VPS13C: variants seen among roughly 807,000 people sequenced by gnomAD.
VPS13C encodes the protein vacuolar protein sorting 13 homolog C.
A neutral mutation model predicts 456.8 loss-of-function variants in VPS13C; 358 were observed. That is an observed-to-expected ratio of 0.78 (90% CI 0.72 to 0.86). VPS13C has a LOEUF of 0.86. Among genes scored for constraint, VPS13C ranks in the 40% least tolerant of loss-of-function variants. The pLI, the probability that VPS13C is intolerant of heterozygous loss-of-function variation, is 0.00. For missense variants in VPS13C, 4,818 were observed against 4,385.4 expected, an observed-to-expected ratio of 1.10 and a Z score of -2.79; for synonymous variants, 1,578 against 1,486.7, an observed-to-expected ratio of 1.06 and a Z score of -1.41.
rs751030955 is a variant in VPS13C at position 62,044,264 on chromosome 15, A to G, written c.101-9T>C. The G allele has an allele frequency of 1.7e-5, 24 of 1,429,422 alleles. No individual in the cohort carries two copies. Among genetic ancestry groups the G allele is most frequent in the Non-Finnish European group, 2.1e-5 (22 of 1,036,690 alleles). The allele number at this position is 1,429,422 out of a possible 1,614,324, so 88.5% of individuals were successfully genotyped here. On this transcript the variant is annotated splice_polypyrimidine_tract_variant and intron_variant, in intron 1 of 84. Transcript: ENST00000644861. ...ATCTAAAGCCACATTTCCTTTAAAA[A>G]AAGAAAACAAAGAAAAATATTACTA...
intron 16 of VPS13C, 119 bp from the exon 17 acceptor site, chr15:61,991,921 C>G: frequency 2.8e-6 from 3 of 1,089,594 alleles, no homozygotes; most frequent in Non-Finnish European, 3.8e-6. Context: ...TAACATTGCA[C>G]CAGTCAAGAT....
Position 61,925,515 on chromosome 15 carries a change from AT to A in VPS13C, c.6549del (p.Lys2183AsnfsTer11). The A allele has an allele frequency of 6.2e-7, 1 of 1,604,436 alleles. No individual in the cohort carries two copies. Among genetic ancestry groups the A allele is most frequent in the Admixed American group, 1.7e-5 (1 of 58,518 alleles). ...TTTTGCTTTCCTGAAGCCCACGTACATTTTTCCATAAATAAAGAACAGGGCT... is the reference window on the plus strand; with the variant it reads ...TTTTGCTTTCCTGAAGCCCACGTACATTTTCCATAAATAAAGAACAGGGCT... ...VLQPCSLFME[K>X]CTWASGKQNI... On this transcript the variant is annotated frameshift_variant, in exon 53 of 85. Transcript: ENST00000644861. LOFTEE classifies it high-confidence loss of function.
intron 46 of VPS13C, 22 bp from the exon 47 acceptor site, chr15:61,940,816 A>AT: frequency 6.2e-7 from 1 of 1,600,678 alleles, no homozygotes; most frequent in Non-Finnish European, 8.5e-7. Context: ...ACAAGAATTT[A>AT]TTTTTTACTT....
At chr15:61,973,985 A>C (rs2045630617) in intron 25 of VPS13C, among the ~76,000 whole-genome samples, 1 of 152,174 alleles carries the variant, frequency 6.6e-6, no homozygotes, top group African/African-American at 2.4e-5. Flanking sequence ...TTCATTTCAA[A>C]GTAGATATCC....
At chr15:61,898,395 A>C (rs1179432212) in intron 66 of VPS13C, among the ~76,000 whole-genome samples, 5 of 151,840 alleles carry the variant, frequency 3.3e-5, no homozygotes, top group African/African-American at 9.7e-5. Flanking sequence ...TCAAAATAAA[A>C]GGATGGAGGA....
chr15:61,865,483 T>C, intron 81 of VPS13C: 1 of 983,820 alleles, frequency 1.0e-6, no homozygotes, highest in Non-Finnish European at 1.2e-6. Context: ...TGATCATAAG[T>C]ATGTGAACCA....
In VPS13C at chr15:62,013,139, G is replaced by A. The variant is rs1030024150; in HGVS notation, c.745-20C>T. 11 of 1,559,150 alleles carry A rather than the reference G, an allele frequency of 7.1e-6. No individual in the cohort carries two copies. In the African/African-American group the frequency reaches 1.5e-4, roughly 21 times the overall value. On this transcript the variant is annotated intron_variant, in intron 10 of 84. Transcript: ENST00000644861. ...TATAAGCTATAAGAGAAAAATGAAAGAGATCAGGCAATCAACACACTGAAA... is the reference window on the plus strand; with the variant it reads ...TATAAGCTATAAGAGAAAAATGAAAAAGATCAGGCAATCAACACACTGAAA...
Position 61,917,353 on chromosome 15 carries a change from T to C in VPS13C, c.8043A>G (p.Arg2681=), listed in dbSNP as rs150779505. The change falls in exon 60 of 85, where the codon AGA becomes AGG. Residue 2681 remains arginine (R), a synonymous_variant. Coordinates refer to ENST00000644861, the MANE Select transcript of VPS13C (RefSeq NM_020821.3). ...GCAAGAGACATACCTCAAGTAAATA[T>C]CTTAGGGAATATGGGAGAAGATTCC... is the stretch of plus-strand genomic sequence containing the variant. ...TLRNLLPYSL[R]YLLEGTAETH... 6.2e-7 allele frequency: 1 copy of C among 1,613,122 alleles called. No individual in the cohort carries two copies. Among genetic ancestry groups the C allele is most frequent in the Non-Finnish European group, 8.5e-7 (1 of 1,179,242 alleles).
chr15:61,991,684 AAT>A lies in VPS13C; in HGVS notation c.1470_1471del (p.Leu491AspfsTer3). Reference sequence around the variant, plus strand: ...GACTTGGAACTTACTTTCAGGAATCAATGATTCTTCGTCCTTTTTCTTAGACT... The same window carrying A: ...GACTTGGAACTTACTTTCAGGAATCAGATTCTTCGTCCTTTTTCTTAGACT... On this transcript the variant is annotated frameshift_variant, in exon 17 of 85. Coordinates refer to ENST00000644861, the MANE Select transcript of VPS13C (RefSeq NM_020821.3). LOFTEE classifies it high-confidence loss of function. The A allele has an allele frequency of 1.9e-6, 3 of 1,611,880 alleles. No individual in the cohort carries two copies. The highest frequency in any genetic ancestry group is 2.5e-6 in the Non-Finnish European group (3 of 1,178,926).
chr15:61,861,573 T>C (rs1046215775), intron 82 of VPS13C, among the ~76,000 whole-genome samples: 3 of 152,172 alleles, frequency 2.0e-5, no homozygotes, highest in Admixed American at 6.5e-5. Context: ...TGGTGGTGCA[T>C]GTATGCCTAT....
chr15:61,942,462 G>C (rs1418382710), intron 45 of VPS13C, among the ~76,000 whole-genome samples: 1 of 151,502 alleles, frequency 6.6e-6, no homozygotes, highest in Non-Finnish European at 1.5e-5. Flanking sequence ...CTCCAAAATT[G>C]GGTTCAATTC....
chr15:62,036,847 C>T (rs933548264), intron 3 of VPS13C, among the ~76,000 whole-genome samples: 3 of 151,630 alleles, frequency 2.0e-5, no homozygotes, highest in Non-Finnish European at 2.9e-5. Context: ...TTTAAGAAAA[C>T]GGGTAACTCA....
chr15:62,032,617 C>T lies in VPS13C; in HGVS notation c.385+824G>A, dbSNP rs185704071. ...TTCAATTAAATGACAACATCTTAAG[C>T]TAGGAAAAGAAATCTTATATCTAAA... On this transcript the variant is annotated intron_variant, in intron 5 of 84. Coordinates refer to ENST00000644861, the MANE Select transcript of VPS13C (RefSeq NM_020821.3). Among the ~76,000 whole-genome samples, 148 of 151,820 alleles carry T rather than the reference C, an allele frequency of 9.7e-4. 1 individual carries two copies. The highest frequency in any genetic ancestry group is 3.5e-3 in the African/African-American group (145 of 41,510).
At chr15:61,973,167 TA>T (rs1170117317) in intron 26 of VPS13C, among the ~76,000 whole-genome samples, 1 of 152,166 alleles carries the variant, frequency 6.6e-6, no homozygotes, top group Non-Finnish European at 1.5e-5. Context: ...AGGTCAAAGT[TA>T]GAGAAAAGCT....
intron 38 of VPS13C, among the ~76,000 whole-genome samples, chr15:61,952,221 C>G (rs1175262843): frequency 6.6e-6 from 1 of 152,146 alleles, no homozygotes; most frequent in African/African-American, 2.4e-5. Flanking sequence ...AAGGCAAGCT[C>G]TTTCATCTTC....
intron 83 of VPS13C, among the ~76,000 whole-genome samples, chr15:61,855,425 A>G (rs1893850850): frequency 6.6e-6 from 1 of 152,212 alleles, no homozygotes; most frequent in African/African-American, 2.4e-5. Context: ...TATATTTCAT[A>G]CATCAAAACA....
At chr15:61,884,326 T>C in intron 67 of VPS13C, 57 bp from the exon 68 acceptor site, 1 of 1,518,866 alleles carries the variant, frequency 6.6e-7, no homozygotes, top group Non-Finnish European at 8.9e-7. Context: ...TCTGTGGAAC[T>C]TTATTCAACT....
chr15:61,941,427 T>C (rs114019052), intron 46 of VPS13C, among the ~76,000 whole-genome samples: 55 of 150,284 alleles, frequency 3.7e-4, no homozygotes, highest in African/African-American at 1.3e-3. Context: ...TATTACGAAG[T>C]TTTTTCCCAC....
intron 18 of VPS13C, among the ~76,000 whole-genome samples, chr15:61,990,797 C>T (rs1010914712): frequency 3.3e-5 from 5 of 151,858 alleles, no homozygotes; most frequent in Non-Finnish European, 7.4e-5. Context: ...GGTGACAGAG[C>T]GAGACTCCAT....
Sources: allele counts gnomAD v4.1 joint callset (sites outside exome capture counted in the v4.1 genomes callset), GRCh38; gene constraint gnomAD v4.1.1; transcripts MANE v1.5; gene names NCBI Gene and HGNC (gene_info 2026-07-23, HGNC 2026-07-21).